Variants in TLL2 observed in about 807,000 individuals in gnomAD.
TLL2 encodes the protein tolloid-like protein 2.
A neutral mutation model predicts 123.0 loss-of-function variants in TLL2; 106 were observed. The observed-to-expected ratio is 0.86, with a 90% CI of 0.74 to 1.01. The LOEUF is 1.01. Among genes scored for constraint, TLL2 ranks in the 50% least tolerant of loss-of-function variants. The pLI, the probability that TLL2 is intolerant of heterozygous loss-of-function variation, is 0.00. For missense variants in TLL2, 1,332 were observed against 1,336.7 expected (o/e 1.00, Z 0.06); for synonymous variants, 494 against 516.8 (o/e 0.96, Z 0.60).
intron 1 of TLL2, among the ~76,000 whole-genome samples, chr10:96,496,750 TTG>T (rs1309177263): frequency 3.3e-5 from 5 of 152,242 alleles, no homozygotes; most frequent in African/African-American, 1.2e-4. Flanking sequence ...CAAGATTGGT[TTG>T]GGCAGGCCGG....
intron 3 of TLL2, among the ~76,000 whole-genome samples, chr10:96,440,708 T>C (rs1846843211): frequency 6.6e-6 from 1 of 152,180 alleles, no homozygotes; most frequent in African/African-American, 2.4e-5. Context: ...CATGGGAAAA[T>C]CTTAAGTGCA....
At chr10:96,501,702 T>C (rs1158703407) in intron 1 of TLL2, among the ~76,000 whole-genome samples, 2 of 152,214 alleles carry the variant, frequency 1.3e-5, no homozygotes, top group Non-Finnish European at 2.9e-5. Context: ...TACCTTCTCT[T>C]GCATCCCAGC....
chr10:96,502,396 G>A (rs371066775), intron 1 of TLL2, among the ~76,000 whole-genome samples: 8 of 152,342 alleles, frequency 5.3e-5, no homozygotes, highest in South Asian at 2.1e-4. Flanking sequence ...CAAGAGTAGC[G>A]TCAAGGAGGC....
rs750282027 is a variant in TLL2 at position 96,428,620 on chromosome 10, C to G, written c.638+11G>C. The G allele has an allele frequency of 6.3e-7, 1 of 1,593,284 alleles. No individual in the cohort carries two copies. The highest frequency in any genetic ancestry group is 1.7e-4 in the Middle Eastern group (1 of 6,018). Reference sequence around the variant, plus strand: ...GATTCTGCAGAGGTGGCCTCGCTTTCGTTTACTTACCCACAGGTTCTGTAA... The same window carrying G: ...GATTCTGCAGAGGTGGCCTCGCTTTGGTTTACTTACCCACAGGTTCTGTAA... On this transcript the variant is annotated intron_variant, in intron 5 of 20. Coordinates refer to ENST00000357947, the MANE Select transcript of TLL2 (RefSeq NM_012465.4).
chr10:96,387,126 T>A (rs1249960785), intron 13 of TLL2, 48 bp from the exon 14 acceptor site: 4 of 1,598,130 alleles, frequency 2.5e-6, no homozygotes, highest in Non-Finnish European at 3.4e-6. Context: ...GGAAGCCTCC[T>A]GGCTGTTCCC....
At chr10:96,472,309 A>G (rs1172345614) in intron 2 of TLL2, among the ~76,000 whole-genome samples, 1 of 152,114 alleles carries the variant, frequency 6.6e-6, no homozygotes, top group Non-Finnish European at 1.5e-5. Context: ...GGAGCCCCCC[A>G]CTGACCCATT....
chr10:96,430,033 T>C (rs1392668802), intron 4 of TLL2, among the ~76,000 whole-genome samples: 3 of 152,226 alleles, frequency 2.0e-5, no homozygotes, highest in Non-Finnish European at 4.4e-5. Context: ...GTCTGAGTTC[T>C]ACAGGGCCCT....
chr10:96,368,664 T>A (rs1846051223), intron 20 of TLL2, among the ~76,000 whole-genome samples: 1 of 152,182 alleles, frequency 6.6e-6, no homozygotes, highest in African/African-American at 2.4e-5. Context: ...AGCTCCAGGG[T>A]CACCATTATG....
rs975499336 is a variant in TLL2 at position 96,513,701 on chromosome 10, G to T, written c.-16C>A. On this transcript the variant is annotated 5_prime_UTR_variant, in exon 1 of 21. Transcript: ENST00000357947. ...CCCGGGGCATGGTGGCGCGGGGCCG[G>T]CTGGGGCAGAGGGAGTTGCGTGCAC... 5.3e-6 allele frequency: 8 copies of T among 1,500,136 alleles called. No homozygotes were observed. In the African/African-American group the frequency reaches 1.1e-4, roughly 21 times the overall value. The allele number at this position is 1,500,136 out of a possible 1,614,324, so 92.9% of individuals were successfully genotyped here.
At chr10:96,415,041 C>T (rs1213071554) in intron 7 of TLL2, among the ~76,000 whole-genome samples, 1 of 152,170 alleles carries the variant, frequency 6.6e-6, no homozygotes, top group Non-Finnish European at 1.5e-5. Flanking sequence ...CACAATGCTG[C>T]AATGGAATCA....
chr10:96,494,852 C>A (rs892936418), intron 1 of TLL2, among the ~76,000 whole-genome samples: 2 of 152,134 alleles, frequency 1.3e-5, no homozygotes, highest in African/African-American at 2.4e-5. Context: ...TGTTGACATG[C>A]GGATCCCCAG....
At position 96,421,062 on chromosome 10, in the gene TLL2, C is replaced by G. The variant is rs754307505; in HGVS notation, c.818-1G>C. 2 of 1,612,720 alleles carry G rather than the reference C, an allele frequency of 1.2e-6. No individual in the cohort carries two copies. Among genetic ancestry groups the G allele is most frequent in the Admixed American group, 3.3e-5 (2 of 60,018 alleles). Reference sequence around the variant, plus strand: ...ATTTTTAAGAAATTATACTCCTGACCTGTGACACAACACTGTGTTAAGCCC... The same window carrying G: ...ATTTTTAAGAAATTATACTCCTGACGTGTGACACAACACTGTGTTAAGCCC... On this transcript the variant is annotated splice_acceptor_variant, in intron 6 of 20. Coordinates refer to ENST00000357947, the MANE Select transcript of TLL2 (RefSeq NM_012465.4). LOFTEE classifies it high-confidence loss of function.
intron 16 of TLL2, among the ~76,000 whole-genome samples, chr10:96,384,107 T>C (rs1020032571): frequency 7.2e-5 from 11 of 152,084 alleles, no homozygotes; most frequent in African/African-American, 2.7e-4. Context: ...ATCCAATGAC[T>C]GGAGTCCTTC....
intron 5 of TLL2, among the ~76,000 whole-genome samples, chr10:96,423,967 T>G (rs1375898866): frequency 6.6e-6 from 1 of 152,192 alleles, no homozygotes; most frequent in Non-Finnish European, 1.5e-5. Flanking sequence ...TGAAGTACTA[T>G]TCAGCCTAAA....
intron 10 of TLL2, among the ~76,000 whole-genome samples, chr10:96,404,976 G>A (rs569116384): frequency 2.0e-3 from 312 of 152,244 alleles, no homozygotes; most frequent in Non-Finnish European, 3.6e-3. Context: ...GAACATCCCT[G>A]TAGCTAGAGC....
At chr10:96,447,953 C>T (rs1846915050) in intron 2 of TLL2, among the ~76,000 whole-genome samples, 3 of 152,154 alleles carry the variant, frequency 2.0e-5, no homozygotes, top group South Asian at 4.1e-4. Flanking sequence ...AGGCTTCCCA[C>T]GCTGCTCAAC....
chr10:96,405,212 G>T lies in TLL2; in HGVS notation c.1267+20C>A. ...AACATCCCATCACTCCTCTCTTAAC[G>T]GTGTCTAAAGTCAACTTACCCAAAA... On this transcript the variant is annotated intron_variant, in intron 10 of 20. Transcript: ENST00000357947. 6.2e-7 allele frequency: 1 copy of T among 1,604,928 alleles called. No homozygotes were observed. Among genetic ancestry groups the T allele is most frequent in the South Asian group, 1.1e-5 (1 of 90,864 alleles).
chr10:96,415,883 T>G (rs1589417034), intron 7 of TLL2, among the ~76,000 whole-genome samples: 1 of 145,084 alleles, frequency 6.9e-6, no homozygotes, highest in South Asian at 2.2e-4. Flanking sequence ...TTGTGCAGAC[T>G]TTTTTTTTCT....
At chr10:96,424,391 G>C (rs1446465771) in intron 5 of TLL2, among the ~76,000 whole-genome samples, 1 of 152,064 alleles carries the variant, frequency 6.6e-6, no homozygotes, top group Admixed American at 6.5e-5. Context: ...ATTATTTCAC[G>C]TTGCATGCCT....
Sources: gnomAD v4.1 joint callset for allele counts (sites outside exome capture counted in the v4.1 genomes callset) on GRCh38, gnomAD v4.1.1 for gene constraint, MANE v1.5 for transcripts, NCBI Gene and HGNC (gene_info 2026-07-23, HGNC 2026-07-21) for gene names.